Variants in RNF43 observed in about 807,000 individuals in gnomAD.
The protein encoded by RNF43 is ring finger protein 43, also known as E3 ubiquitin-protein ligase RNF43.
RNF43 carries 37 observed loss-of-function variants against 78.4 expected under a neutral mutation model. That is an observed-to-expected ratio of 0.47 (90% CI 0.36 to 0.62). The LOEUF (loss-of-function observed/expected upper bound fraction) is 0.62. Ranked by LOEUF, RNF43 falls within the 20% of genes least tolerant of loss-of-function variation. The probability of loss-of-function intolerance (pLI) is 0.00; values close to 1 mark genes in which losing one functional copy is unlikely to be tolerated. For missense variants in RNF43, 774 were observed against 1,007.9 expected, an observed-to-expected ratio of 0.77 and a Z score of 3.14; for synonymous variants, 347 against 395.0, an observed-to-expected ratio of 0.88 and a Z score of 1.44.
intron 2 of RNF43, among the ~76,000 whole-genome samples, chr17:58,374,681 G>A (rs765167775): frequency 6.6e-6 from 1 of 152,102 alleles, no homozygotes; most frequent in African/African-American, 2.4e-5. Flanking sequence ...ATGAGCCACC[G>A]TGTCTGGCCC....
rs555649887 is a variant in RNF43 at position 58,403,246 on chromosome 17, A to G, written c.252+12080T>C. Among the ~76,000 whole-genome samples, 18 of 152,310 alleles carry G rather than the reference A, an allele frequency of 1.2e-4. 1 individual carries two copies. In the East Asian group the frequency reaches 3.5e-3, roughly 29 times the overall value. Reference sequence around the variant, plus strand: ...TCTCTCCCAGCTCTGAGATGAGTATATTCTTTGGGGGACTTGCTAATGTTG... The same window carrying G: ...TCTCTCCCAGCTCTGAGATGAGTATGTTCTTTGGGGGACTTGCTAATGTTG... On this transcript the variant is annotated intron_variant, in intron 2 of 9. Coordinates refer to ENST00000407977, the MANE Select transcript of RNF43 (RefSeq NM_017763.6).
intron 2 of RNF43, among the ~76,000 whole-genome samples, chr17:58,405,068 C>CTTTTTTTTT (rs35147601): frequency 2.5e-5 from 2 of 79,604 alleles, no homozygotes; most frequent in Admixed American, 1.3e-4. Context: ...TGTAGTACTT[C>CTTTTTTTTT]TTTTTTTTTT....
intron 3 of RNF43, among the ~76,000 whole-genome samples, chr17:58,370,705 G>A (rs1973074721): frequency 6.6e-6 from 1 of 152,170 alleles, no homozygotes; most frequent in Non-Finnish European, 1.5e-5. Context: ...TGGGATGAAG[G>A]TCAAAAAGTC....
At chr17:58,404,124 AGTAC>A (rs1159090663) in intron 2 of RNF43, among the ~76,000 whole-genome samples, 7 of 152,232 alleles carry the variant, frequency 4.6e-5, no homozygotes, top group Non-Finnish European at 1.0e-4. Flanking sequence ...GAAGACTGGG[AGTAC>A]AACTGAGTCT....
At chr17:58,379,948 A>G (rs1356628532) in intron 2 of RNF43, among the ~76,000 whole-genome samples, 2 of 152,220 alleles carry the variant, frequency 1.3e-5, no homozygotes, top group African/African-American at 2.4e-5. Flanking sequence ...TGAAGTTAGA[A>G]GCAAAGAAGA....
At chr17:58,404,981 A>T (rs1186732440) in intron 2 of RNF43, among the ~76,000 whole-genome samples, 1 of 151,486 alleles carries the variant, frequency 6.6e-6, no homozygotes, top group Non-Finnish European at 1.5e-5. Flanking sequence ...AATGCTAAAG[A>T]TGAGTATTAA....
intron 2 of RNF43, among the ~76,000 whole-genome samples, chr17:58,409,167 G>A (rs1253268652): frequency 6.6e-6 from 1 of 152,158 alleles, no homozygotes; most frequent in African/African-American, 2.4e-5. Context: ...CAGTCTCTGT[G>A]CAACTTTGTT....
At chr17:58,370,807 G>A (rs1248553024) in intron 3 of RNF43, 104 bp downstream of exon 3, 2 of 1,280,188 alleles carry the variant, frequency 1.6e-6, no homozygotes, top group Non-Finnish European at 2.1e-6. Flanking sequence ...AGGGAATCAG[G>A]TACATCACTC....
chr17:58,368,986 T>G (rs1403100301), intron 3 of RNF43, among the ~76,000 whole-genome samples: 1 of 151,798 alleles, frequency 6.6e-6, no homozygotes, highest in East Asian at 1.9e-4. Flanking sequence ...CCCACAGCTG[T>G]GGAAAGGGGG....
chr17:58,396,392 C>T (rs1301102248), intron 2 of RNF43, among the ~76,000 whole-genome samples: 1 of 152,110 alleles, frequency 6.6e-6, no homozygotes, highest in Non-Finnish European at 1.5e-5. Context: ...AAACTCAGAT[C>T]CCACATGCTG....
intron 3 of RNF43, among the ~76,000 whole-genome samples, chr17:58,366,999 T>C (rs1972969379): frequency 1.3e-5 from 2 of 148,476 alleles, no homozygotes; most frequent in African/African-American, 5.0e-5. Flanking sequence ...CTAATTTTTT[T>C]TTTTTTTTTT....
chr17:58,396,660 T>G (rs1171933832), intron 2 of RNF43, among the ~76,000 whole-genome samples: 1 of 152,168 alleles, frequency 6.6e-6, no homozygotes, highest in Admixed American at 6.5e-5. Context: ...TTTTAGAGAC[T>G]GGTCTGAGGT....
chr17:58,357,226 C>T lies in RNF43; in HGVS notation c.2308+242G>A. On this transcript the variant is annotated intron_variant, in intron 9 of 9. Transcript: ENST00000407977. The surrounding 1 kb of genome is among the most constrained non-coding windows in gnomAD (Gnocchi z 4.5). ...TGCCTTTCTGATGCCTCAGCCACAC[C>T]AGCACCTCCCTGGGACCTCCCTGTG... 1.4e-6 allele frequency: 1 copy of T among 711,170 alleles called. No individual in the cohort carries two copies. The highest frequency in any genetic ancestry group is 1.5e-5 in the South Asian group (1 of 67,744). The allele number at this position is 711,170 out of a possible 1,614,324, so 44.1% of individuals were successfully genotyped here. A position where few individuals can be genotyped will look rare whatever the true frequency, so the allele number is the denominator to read the frequency against.
chr17:58,370,530 G>A (rs1356633182), intron 3 of RNF43, among the ~76,000 whole-genome samples: 3 of 152,170 alleles, frequency 2.0e-5, no homozygotes, highest in Admixed American at 2.0e-4. Context: ...ACTTTTTAAG[G>A]GTGGGGCAAT....
chr17:58,360,081 T>C lies in RNF43; in HGVS notation c.952+68A>G, dbSNP rs1432099469. 4 of 1,247,384 alleles carry C rather than the reference T, an allele frequency of 3.2e-6. No individual in the cohort carries two copies. Among genetic ancestry groups the C allele is most frequent in the African/African-American group, 1.5e-5 (1 of 67,554 alleles). 77.3% of individuals were successfully genotyped at this position (1,247,384 alleles called of 1,614,324 possible). The stretch of plus-strand genomic sequence containing the variant: ...CCCCAGCTTCAAGGCTGCAACCCTT[T>C]CCCAAAGGGAAGCCACATTCTAGAC... On this transcript the variant is annotated intron_variant, in intron 8 of 9. Transcript: ENST00000407977. This position sits in a 1 kb window ranked among gnomAD's most constrained non-coding sequence, Gnocchi z 4.3.
At chr17:58,382,167 T>C (rs1014228773) in intron 2 of RNF43, among the ~76,000 whole-genome samples, 1 of 152,306 alleles carries the variant, frequency 6.6e-6, no homozygotes, top group East Asian at 1.9e-4. Flanking sequence ...CCCACTCTCT[T>C]ACCTATTTCC....
intron 2 of RNF43, among the ~76,000 whole-genome samples, chr17:58,382,776 G>A (rs2143568405): frequency 6.6e-6 from 1 of 152,292 alleles, no homozygotes; most frequent in African/African-American, 2.4e-5. Flanking sequence ...CGTGCTCAAT[G>A]CACAGGGTCT....
chr17:58,375,947 A>T (rs1973196394), intron 2 of RNF43, among the ~76,000 whole-genome samples: 1 of 152,132 alleles, frequency 6.6e-6, no homozygotes, highest in African/African-American at 2.4e-5. Context: ...GAACTCACTG[A>T]GGAAGTGTGA....
intron 2 of RNF43, among the ~76,000 whole-genome samples, chr17:58,374,351 G>T (rs1170396307): frequency 6.6e-6 from 1 of 151,560 alleles, no homozygotes; most frequent in Non-Finnish European, 1.5e-5. Context: ...AAATGTTGAT[G>T]GTGACCCCCG....
Sources: gnomAD v4.1 joint callset for allele counts (sites outside exome capture counted in the v4.1 genomes callset) on GRCh38, gnomAD v4.1.1 for gene constraint, Gnocchi (gnomAD v3.1) non-coding constraint, MANE v1.5 for transcripts, NCBI Gene and HGNC (gene_info 2026-07-23, HGNC 2026-07-21) for gene names.